Variants in CIRSR observed in about 807,000 individuals in gnomAD.
The protein encoded by CIRSR is CBF1 (RBPJ) interacting corepressor 1.
chr2:174,391,712 T>A, the CIRSR span, among the ~76,000 whole-genome samples: 1 of 152,206 alleles, frequency 6.6e-6, no homozygotes, highest in Non-Finnish European at 1.5e-5. Flanking sequence ...CTGAAAGAGA[T>A]CAGATTTGTG....
At chr2:174,382,087 T>G in the CIRSR span, among the ~76,000 whole-genome samples, 1 of 152,216 alleles carries the variant, frequency 6.6e-6, no homozygotes, top group Non-Finnish European at 1.5e-5. Flanking sequence ...TGAAATGCTG[T>G]GGAAATTATG....
the CIRSR span, among the ~76,000 whole-genome samples, chr2:174,375,366 G>A: frequency 3.3e-5 from 5 of 152,186 alleles, 1 homozygote; most frequent in African/African-American, 1.2e-4. Context: ...CCAGCACTGT[G>A]GGAGGCTGAG....
the CIRSR span, among the ~76,000 whole-genome samples, chr2:174,371,514 G>A: frequency 2.0e-5 from 3 of 152,160 alleles, no homozygotes; most frequent in African/African-American, 7.2e-5. Context: ...AAGCTTACAA[G>A]TTTTACATAT....
chr2:174,373,842 GTA>G, the CIRSR span, among the ~76,000 whole-genome samples: 2 of 30,076 alleles, frequency 6.6e-5, no homozygotes, highest in African/African-American at 2.0e-4. Flanking sequence ...GTGTGTGTGT[GTA>G]TGTTTTGCCT....
chr2:174,376,502 A>G, the CIRSR span, among the ~76,000 whole-genome samples: 3 of 152,170 alleles, frequency 2.0e-5, no homozygotes, highest in Non-Finnish European at 4.4e-5. Context: ...ATGAATAGAA[A>G]TGGAGGGCTG....
chr2:174,359,129 A>C, the CIRSR span, among the ~76,000 whole-genome samples: 1 of 150,050 alleles, frequency 6.7e-6, no homozygotes, highest in South Asian at 2.1e-4. Context: ...GATTTCACTT[A>C]TAAGAAGCTC....
chr2:174,362,308 CA>C, the CIRSR span, among the ~76,000 whole-genome samples: 1 of 149,318 alleles, frequency 6.7e-6, no homozygotes, highest in South Asian at 2.2e-4. Context: ...CTTTTCTCAA[CA>C]AAAACAAAAA....
At chr2:174,393,934 T>A in the CIRSR span, among the ~76,000 whole-genome samples, 1 of 152,178 alleles carries the variant, frequency 6.6e-6, no homozygotes, top group South Asian at 2.1e-4. Flanking sequence ...CCTCTCCCCA[T>A]AAAGTGTTAA....
the CIRSR span, among the ~76,000 whole-genome samples, chr2:174,359,170 G>A: frequency 2.8e-4 from 42 of 152,048 alleles, no homozygotes; most frequent in African/African-American, 9.7e-4. Context: ...TACTGGATTA[G>A]GAATTAGAAA....
At chr2:174,394,716 C>G in the CIRSR span, among the ~76,000 whole-genome samples, 1 of 152,122 alleles carries the variant, frequency 6.6e-6, no homozygotes, top group Non-Finnish European at 1.5e-5. Flanking sequence ...ATAGCAGTAT[C>G]TCATCACCTC....
the CIRSR span, among the ~76,000 whole-genome samples, chr2:174,366,695 CA>C: frequency 1.3e-5 from 2 of 151,948 alleles, no homozygotes; most frequent in Non-Finnish European, 2.9e-5. Context: ...CAGGTTTGTT[CA>C]AAACAATGAA....
chr2:174,377,419 G>T, the CIRSR span, among the ~76,000 whole-genome samples: 6 of 152,160 alleles, frequency 3.9e-5, no homozygotes, highest in Non-Finnish European at 7.4e-5. Context: ...GTATCAGTGG[G>T]ATGTTCTTTT....
the CIRSR span, chr2:174,387,577 A>G: frequency 5.0e-6 from 6 of 1,212,114 alleles, no homozygotes; most frequent in Non-Finnish European, 6.8e-6. Context: ...CACGAATCCT[A>G]TAATTGGGTA....
the CIRSR span, chr2:174,380,905 G>T: frequency 1.1e-6 from 1 of 895,594 alleles, no homozygotes; most frequent in Non-Finnish European, 1.6e-6. Context: ...ATGATATCAT[G>T]TTATTTAATT....
the CIRSR span, among the ~76,000 whole-genome samples, chr2:174,350,329 A>G: frequency 6.6e-6 from 1 of 152,218 alleles, no homozygotes; most frequent in Admixed American, 6.5e-5. Context: ...CATTTTAAAA[A>G]TGGCCAAAAA....
chr2:174,355,936 C>G, the CIRSR span, among the ~76,000 whole-genome samples: 1 of 151,944 alleles, frequency 6.6e-6, no homozygotes, highest in Non-Finnish European at 1.5e-5. Flanking sequence ...ACTGCAAACA[C>G]TAGGTCCATC....
chr2:174,362,466 A>G, the CIRSR span, among the ~76,000 whole-genome samples: 1 of 152,028 alleles, frequency 6.6e-6, no homozygotes, highest in Non-Finnish European at 1.5e-5. Flanking sequence ...TATAACTTTG[A>G]GCTTGAAAGT....
At chr2:174,378,773 T>C in the CIRSR span, 90,886 of 682,180 alleles carry the variant, frequency 0.13, 9,236 homozygotes, top group African/African-American at 0.4. Flanking sequence ...TTCCCATTAA[T>C]CATATTTTGG....
At chr2:174,386,030 A>G in the CIRSR span, among the ~76,000 whole-genome samples, 3 of 152,214 alleles carry the variant, frequency 2.0e-5, no homozygotes, top group Admixed American at 2.0e-4. Context: ...TTTTTTAAAG[A>G]TAAAGAATAA....
Sources: allele counts gnomAD v4.1 joint callset (sites outside exome capture counted in the v4.1 genomes callset), GRCh38; gene constraint gnomAD v4.1.1; transcripts MANE v1.5; gene names NCBI Gene and HGNC (gene_info 2026-07-23, HGNC 2026-07-21).